Variants in CTNNA2 observed in about 807,000 individuals in gnomAD.
The protein encoded by CTNNA2 is catenin alpha-2.
A neutral mutation model predicts 101.0 loss-of-function variants in CTNNA2; 42 were observed. The observed-to-expected ratio is 0.42, with a 90% CI of 0.32 to 0.54. The LOEUF (loss-of-function observed/expected upper bound fraction) is 0.54, where lower values mean the gene tolerates loss of function less well. CTNNA2 is among the 20% of genes least tolerant of loss of function. The pLI, the probability that CTNNA2 is intolerant of heterozygous loss-of-function variation, is 0.14. For synonymous variants in CTNNA2, 450 were observed against 456.4 expected (o/e 0.99, Z 0.18); for missense variants, 871 against 1,223.1 (o/e 0.71, Z 4.29).
intron 18 of CTNNA2, among the ~76,000 whole-genome samples, chr2:80,638,861 A>C (rs1306790830): frequency 1.3e-5 from 2 of 152,230 alleles, no homozygotes; most frequent in Admixed American, 6.5e-5. Context: ...CCAAAGAGCC[A>C]AGTGGTAAAT....
intron 2 of CTNNA2, among the ~76,000 whole-genome samples, chr2:79,307,035 A>G (rs1676264171): frequency 6.6e-6 from 1 of 152,174 alleles, no homozygotes; most frequent in Non-Finnish European, 1.5e-5. Context: ...CATACATATG[A>G]TAATTTCTTC....
At chr2:79,366,036 G>A (rs1042506854) in intron 3 of CTNNA2, among the ~76,000 whole-genome samples, 6 of 152,188 alleles carry the variant, frequency 3.9e-5, no homozygotes, top group African/African-American at 1.4e-4. Context: ...TTATTCTGCA[G>A]CATTAACAAA....
chr2:79,190,773 T>C (rs938987316), intron 1 of CTNNA2, among the ~76,000 whole-genome samples: 3 of 152,302 alleles, frequency 2.0e-5, no homozygotes, highest in East Asian at 1.9e-4. Flanking sequence ...TTATCTGTTA[T>C]GTACCCGAGT....
intron 7 of CTNNA2, among the ~76,000 whole-genome samples, chr2:79,997,259 C>T (rs1422089851): frequency 6.6e-6 from 1 of 150,750 alleles, no homozygotes; most frequent in African/African-American, 2.4e-5. Flanking sequence ...TAATAATCTT[C>T]CTCAAAACAC....
intron 7 of CTNNA2, among the ~76,000 whole-genome samples, chr2:80,115,406 C>T (rs763245071): frequency 2.6e-5 from 4 of 152,144 alleles, no homozygotes; most frequent in East Asian, 1.9e-4. Flanking sequence ...CTACCTGACA[C>T]GTGAAGAAAT....
intron 7 of CTNNA2, among the ~76,000 whole-genome samples, chr2:80,262,500 G>A (rs1672686143): frequency 6.6e-6 from 1 of 152,284 alleles, no homozygotes; most frequent in East Asian, 1.9e-4. Flanking sequence ...CTGAGTAGAA[G>A]TGCTTCGCTG....
chr2:80,161,094 C>T (rs1177496925), intron 7 of CTNNA2, among the ~76,000 whole-genome samples: 1 of 152,122 alleles, frequency 6.6e-6, no homozygotes, highest in Non-Finnish European at 1.5e-5. Flanking sequence ...GCAAAGACTG[C>T]AGTGCAGGGA....
intron 3 of CTNNA2, among the ~76,000 whole-genome samples, chr2:79,333,947 T>C (rs1250549524): frequency 6.6e-6 from 1 of 152,152 alleles, no homozygotes; most frequent in Non-Finnish European, 1.5e-5. Context: ...TTTGTTATTA[T>C]TTTTAATTGA....
chr2:79,420,505 G>T (rs1439270776), intron 4 of CTNNA2, among the ~76,000 whole-genome samples: 1 of 152,128 alleles, frequency 6.6e-6, no homozygotes, highest in African/African-American at 2.4e-5. Context: ...CTGACTTCTG[G>T]GCTCTGTGGT....
At chr2:79,584,599 G>A (rs905256939) in intron 1 of CTNNA2, among the ~76,000 whole-genome samples, 12 of 149,704 alleles carry the variant, frequency 8.0e-5, no homozygotes, top group African/African-American at 2.7e-4. Context: ...ATTTCAGCTC[G>A]CTGTAATCTC....
intron 1 of CTNNA2, among the ~76,000 whole-genome samples, chr2:79,517,992 G>T (rs955714594): frequency 2.0e-5 from 3 of 152,248 alleles, no homozygotes; most frequent in Non-Finnish European, 2.9e-5. Context: ...GAGACAGAAT[G>T]AATTAATTGT....
intron 3 of CTNNA2, among the ~76,000 whole-genome samples, chr2:79,751,593 C>CAAAAAAAAAAAA (rs397985098): frequency 3.8e-4 from 26 of 68,884 alleles, no homozygotes; most frequent in Non-Finnish European, 6.4e-4. Context: ...GACTCCATCT[C>CAAAAAAAAAAAA]AAAAAAAAAA....
At chr2:79,825,943 T>C (rs1049657775) in intron 3 of CTNNA2, among the ~76,000 whole-genome samples, 3 of 152,198 alleles carry the variant, frequency 2.0e-5, no homozygotes, top group Admixed American at 6.5e-5. Context: ...ATGCTGTATC[T>C]TATATGATAT....
At chr2:79,909,173 G>A (rs112440963) in intron 6 of CTNNA2, among the ~76,000 whole-genome samples, 2,659 of 27,086 alleles carry the variant, frequency 0.098, 87 homozygotes, top group African/African-American at 0.35. Context: ...ATTAACGTGT[G>A]TGTATACAAG....
At position 80,303,659 on chromosome 2, in the gene CTNNA2, G is replaced by A. The variant is rs750920574; in HGVS notation, c.1057-89552G>A. 6.2e-7 allele frequency: 1 copy of A among 1,612,886 alleles called. No individual in the cohort carries two copies. The highest frequency in any genetic ancestry group is 1.1e-5 in the South Asian group (1 of 90,994). Reference sequence around the variant, plus strand: ...GTGGGGCGCCTCGGTGAGGTTGAGCGCCTCGCAGTACAGCAGCCGCCCCTC... The same window carrying A: ...GTGGGGCGCCTCGGTGAGGTTGAGCACCTCGCAGTACAGCAGCCGCCCCTC... On this transcript the variant is annotated intron_variant, in intron 7 of 18. Transcript: ENST00000402739. This position sits in a 1 kb window ranked among gnomAD's most constrained non-coding sequence, Gnocchi z 7.7.
At chr2:80,304,928 AAAGG>A in intron 7 of CTNNA2, 2 of 302,522 alleles carry the variant, frequency 6.6e-6, no homozygotes, top group Non-Finnish European at 9.7e-6. Flanking sequence ...AAAAAAAAAA[AAAGG>A]AGGGGGGAGG....
At chr2:80,491,701 C>A (rs1206748721) in intron 9 of CTNNA2, among the ~76,000 whole-genome samples, 1 of 152,168 alleles carries the variant, frequency 6.6e-6, no homozygotes, top group East Asian at 1.9e-4. Context: ...TGGTTTATAC[C>A]TGTTGTACTT....
intron 18 of CTNNA2, among the ~76,000 whole-genome samples, chr2:80,638,752 GAAGA>G (rs1673133902): frequency 2.0e-5 from 3 of 152,322 alleles, no homozygotes; most frequent in South Asian, 2.1e-4. Flanking sequence ...AAATGCAAAT[GAAGA>G]CAGTTAATCA....
intron 1 of CTNNA2, among the ~76,000 whole-genome samples, chr2:79,599,042 A>G (rs1677382396): frequency 6.6e-6 from 1 of 152,082 alleles, no homozygotes; most frequent in African/African-American, 2.4e-5. Flanking sequence ...TTCCAACACC[A>G]CTTTTTGAAA....
Sources: allele counts gnomAD v4.1 joint callset (sites outside exome capture counted in the v4.1 genomes callset), GRCh38; gene constraint gnomAD v4.1.1; non-coding constraint Gnocchi (gnomAD v3.1); transcripts MANE v1.5; gene names NCBI Gene and HGNC (gene_info 2026-07-23, HGNC 2026-07-21).